LRRC3B: variants seen among roughly 807,000 people sequenced by gnomAD.
LRRC3B encodes leucine-rich repeat-containing protein 3B.
A neutral mutation model predicts 12.8 loss-of-function variants in LRRC3B; 2 were observed. The ratio of observed to expected loss-of-function variants is 0.16; its 90% CI spans 0.06 to 0.49. The LOEUF (loss-of-function observed/expected upper bound fraction) is 0.49, where lower values mean the gene tolerates loss of function less well. Among genes scored for constraint, LRRC3B ranks in the 20% least tolerant of loss-of-function variants. The pLI is 0.96. For missense variants in LRRC3B, 189 were observed against 319.4 expected, an observed-to-expected ratio of 0.59 and a Z score of 3.11; for synonymous variants, 132 against 122.0, an observed-to-expected ratio of 1.08 and a Z score of -0.54.
chr3:26,709,880 T>C lies in LRRC3B; in HGVS notation c.208T>C (p.Tyr70His), dbSNP rs1327375466. The C allele has an allele frequency of 1.9e-6, 3 of 1,613,984 alleles. No individual in the cohort carries two copies. The East Asian group carries it at 6.7e-5, about 36-fold the overall frequency. The change falls in exon 2 of 2, where the codon TAT becomes CAT. Residue 70 changes from tyrosine (Y) to histidine (H), a missense_variant. Coordinates refer to ENST00000396641, the Ensembl canonical transcript of LRRC3B. ...TCTTCCTCCTGAAACAGTCTTACTG[T>C]ATCTGGACTCCAATCAGATCACATC...
At chr3:26,687,241 T>A (rs2125446421) in intron 1 of LRRC3B, among the ~76,000 whole-genome samples, 1 of 152,344 alleles carries the variant, frequency 6.6e-6, no homozygotes, top group South Asian at 2.1e-4. Flanking sequence ...AATGTATTTT[T>A]CTTCCTTTTC....
intron 1 of LRRC3B, among the ~76,000 whole-genome samples, chr3:26,659,010 T>A (rs1699436454): frequency 6.6e-6 from 1 of 152,216 alleles, no homozygotes; most frequent in African/African-American, 2.4e-5. Flanking sequence ...ATTGGGAGTT[T>A]CAGGAAATGC....
intron 1 of LRRC3B, among the ~76,000 whole-genome samples, chr3:26,639,444 A>G (rs1305958471): frequency 1.4e-5 from 2 of 144,196 alleles, no homozygotes; most frequent in African/African-American, 2.8e-5. Context: ...TGTTTCAAAC[A>G]TACTTAAACA....
At chr3:26,642,229 C>T (rs1699044832) in intron 1 of LRRC3B, among the ~76,000 whole-genome samples, 1 of 152,208 alleles carries the variant, frequency 6.6e-6, no homozygotes, top group Non-Finnish European at 1.5e-5. Flanking sequence ...AGGCAAATCA[C>T]ATCTTAATCA....
chr3:26,683,884 G>A (rs746366945), intron 1 of LRRC3B, among the ~76,000 whole-genome samples: 23 of 152,260 alleles, frequency 1.5e-4, no homozygotes, highest in Non-Finnish European at 2.9e-4. Flanking sequence ...ATAGCACTTT[G>A]TCAGACAAAT....
At chr3:26,687,998 T>TG (rs1358690423) in intron 1 of LRRC3B, among the ~76,000 whole-genome samples, 3 of 152,140 alleles carry the variant, frequency 2.0e-5, no homozygotes, top group Admixed American at 2.0e-4. Context: ...CTTGCTTTGG[T>TG]GACATAAAGA....
chr3:26,654,979 A>G (rs114684029), intron 1 of LRRC3B, among the ~76,000 whole-genome samples: 7,566 of 152,170 alleles, frequency 0.05, 288 homozygotes, highest in Admixed American at 0.12. Context: ...TATATTTTTA[A>G]ATTACTTAGT....
At chr3:26,641,557 C>A (rs1272492276) in intron 1 of LRRC3B, among the ~76,000 whole-genome samples, 2 of 152,090 alleles carry the variant, frequency 1.3e-5, no homozygotes, top group East Asian at 1.9e-4. Context: ...CAATAGAAAA[C>A]CACTGCAGTT....
chr3:26,679,302 C>T (rs572588286), intron 1 of LRRC3B, among the ~76,000 whole-genome samples: 2 of 152,320 alleles, frequency 1.3e-5, no homozygotes, highest in South Asian at 4.1e-4. Flanking sequence ...AGTGGCTTCT[C>T]ATAATTCTTA....
intron 1 of LRRC3B, among the ~76,000 whole-genome samples, chr3:26,662,001 T>G (rs1369643458): frequency 1.3e-5 from 2 of 152,154 alleles, no homozygotes; most frequent in African/African-American, 4.8e-5. Context: ...ATCCCCTGAG[T>G]GTTCTGGGGC....
rs1559363308 is a variant in LRRC3B, at chr3:26,675,841, CTTCT to C, written c.-160-33670_-160-33667del. Among the ~76,000 whole-genome samples the C allele has an allele frequency of 6.0e-4, 91 of 151,734 alleles. 1 individual carries two copies. The highest frequency in any genetic ancestry group is 2.2e-3 in the African/African-American group (90 of 41,296). On this transcript the variant is annotated intron_variant, in intron 1 of 1. Coordinates refer to ENST00000396641, the Ensembl canonical transcript of LRRC3B. ...CTAGCCCTTATTCTAGAATGTTTAC[CTTCT>C]TATTCTTTATGATGAAACATACAAT... is the stretch of plus-strand genomic sequence containing the variant.
chr3:26,688,786 G>C (rs2125447419), intron 1 of LRRC3B, among the ~76,000 whole-genome samples: 1 of 152,250 alleles, frequency 6.6e-6, no homozygotes, highest in South Asian at 2.1e-4. Flanking sequence ...TGAGATTTGA[G>C]TGGGGACACA....
chr3:26,629,716 G>A (rs1698712418), intron 1 of LRRC3B, among the ~76,000 whole-genome samples: 1 of 152,144 alleles, frequency 6.6e-6, no homozygotes, highest in African/African-American at 2.4e-5. Context: ...GTGTTGTGTG[G>A]TTTTTTATTG....
chr3:26,627,596 G>A (rs1367458789), intron 1 of LRRC3B, among the ~76,000 whole-genome samples: 1 of 152,060 alleles, frequency 6.6e-6, no homozygotes, highest in African/African-American at 2.4e-5. Flanking sequence ...CCCACAGAGA[G>A]CCAACGTGCA....
intron 1 of LRRC3B, among the ~76,000 whole-genome samples, chr3:26,709,247 G>A (rs1340351658): frequency 6.6e-6 from 1 of 152,152 alleles, no homozygotes; most frequent in Non-Finnish European, 1.5e-5. Context: ...AGAGAAATAG[G>A]GAGTATTTGT....
Position 26,643,088 on chromosome 3 carries a change from C to T in LRRC3B, c.-161+19851C>T, listed in dbSNP as rs188586691. Among the ~76,000 whole-genome samples the T allele has an allele frequency of 9.9e-5, 15 of 151,802 alleles. No homozygotes were observed. In the East Asian group the frequency reaches 2.3e-3, roughly 24 times the overall value. On this transcript the variant is annotated intron_variant, in intron 1 of 1. Coordinates refer to ENST00000396641, the Ensembl canonical transcript of LRRC3B. ...TAGTCTGCGATGTTCACATATGCAG[C>T]GACACAGGGAAAACTAATTGGTGGG...
rs1698694171 is a variant in LRRC3B, at chr3:26,629,076, T to TA, written c.-161+5844dup. ...AAATAAAATGGAAACAAATATTATTTAAAAATGTGAAGCTATTCTCAACCA... is the reference window on the plus strand; with the variant it reads ...AAATAAAATGGAAACAAATATTATTTAAAAAATGTGAAGCTATTCTCAACCA... On this transcript the variant is annotated intron_variant, in intron 1 of 1. Coordinates refer to ENST00000396641, the Ensembl canonical transcript of LRRC3B. Among the ~76,000 whole-genome samples the TA allele has an allele frequency of 2.0e-5, 3 of 152,228 alleles. No homozygotes were observed. The South Asian group carries it at 6.2e-4, about 31-fold the overall frequency.
intron 1 of LRRC3B, among the ~76,000 whole-genome samples, chr3:26,677,321 A>G (rs1699880604): frequency 1.3e-5 from 2 of 152,194 alleles, no homozygotes; most frequent in South Asian, 4.1e-4. Context: ...TGTACTTCCC[A>G]TAAACTGTAC....
intron 1 of LRRC3B, among the ~76,000 whole-genome samples, chr3:26,702,213 G>A (rs758276825): frequency 5.9e-5 from 9 of 152,156 alleles, no homozygotes; most frequent in Non-Finnish European, 1.2e-4. Flanking sequence ...TATAGTAAAG[G>A]CTGGAATATT....
Sources: gnomAD v4.1 joint callset for allele counts (sites outside exome capture counted in the v4.1 genomes callset) on GRCh38, gnomAD v4.1.1 for gene constraint, MANE v1.5 for transcripts, NCBI Gene and HGNC (gene_info 2026-07-23, HGNC 2026-07-21) for gene names.